The following DOCK2 variants were observed in gnomAD, a reference collection of about 807,000 sequenced individuals.
DOCK2 encodes dedicator of cytokinesis protein 2.
Under a neutral mutation model 248.9 loss-of-function variants are expected in DOCK2, and 87 were observed. That is an observed-to-expected ratio of 0.35 (90% CI 0.29 to 0.42). DOCK2 has a LOEUF of 0.42. DOCK2 is among the 10% of genes least tolerant of loss of function. DOCK2 has a pLI of 1.00. For synonymous variants in DOCK2, 805 were observed against 821.6 expected (o/e 0.98, Z 0.35); for missense variants, 1,747 against 2,300.2 (o/e 0.76, Z 4.92).
chr5:169,934,545 C>T (rs755542178), intron 27 of DOCK2: 11 of 433,550 alleles, frequency 2.5e-5, no homozygotes, highest in Admixed American at 7.3e-5. Context: ...TAATTGTATG[C>T]GCTACATTCA....
chr5:169,679,722 C>T (rs1028670526), intron 6 of DOCK2, among the ~76,000 whole-genome samples: 3 of 152,140 alleles, frequency 2.0e-5, no homozygotes, highest in Non-Finnish European at 2.9e-5. Flanking sequence ...GCAGCATGGC[C>T]GTGTACCATT....
At position 170,060,199 on chromosome 5, in the gene DOCK2, G is replaced by A. The variant is rs368924035; in HGVS notation, c.4467+2533G>A. On this transcript the variant is annotated intron_variant, in intron 44 of 51. Coordinates refer to ENST00000520908, the MANE Select transcript of DOCK2 (RefSeq NM_004946.3). ...CTGAGAAATGGAGACTTTACAAGGA[G>A]CCCTGATCTAGGGGTCAGAGATCCA... Among the ~76,000 whole-genome samples, 242 of 152,274 alleles carry A rather than the reference G, an allele frequency of 1.6e-3. 6 individuals carry two copies. The South Asian group carries it at 0.049, about 31-fold the overall frequency.
At chr5:169,779,990 C>T (rs1302144328) in intron 25 of DOCK2, among the ~76,000 whole-genome samples, 2 of 152,176 alleles carry the variant, frequency 1.3e-5, no homozygotes, top group African/African-American at 2.4e-5. Context: ...TTCTGGGTCA[C>T]CGAAGCAGTA....
Position 170,082,795 on chromosome 5 carries a change from G to C in DOCK2, c.5431-1G>C. On this transcript the variant is annotated splice_acceptor_variant, in intron 51 of 51. Coordinates refer to ENST00000520908, the MANE Select transcript of DOCK2 (RefSeq NM_004946.3). LOFTEE classifies it high-confidence loss of function. ...TTTGTGCTTGTTTATTCTCTCAAAAGCTGGCCAGCAAATCGGCTGAAGAAG... is the reference window on the plus strand; with the variant it reads ...TTTGTGCTTGTTTATTCTCTCAAAACCTGGCCAGCAAATCGGCTGAAGAAG... 1.2e-6 allele frequency: 2 copies of C among 1,614,168 alleles called. No homozygotes were observed. Among genetic ancestry groups the C allele is most frequent in the Middle Eastern group, 1.6e-4 (1 of 6,062 alleles).
intron 32 of DOCK2, among the ~76,000 whole-genome samples, chr5:170,015,878 C>T (rs1755516559): frequency 1.4e-5 from 2 of 142,594 alleles, no homozygotes; most frequent in South Asian, 4.8e-4. Flanking sequence ...CTCCTTTCTT[C>T]CTTCCCTCCT....
intron 22 of DOCK2, among the ~76,000 whole-genome samples, chr5:169,747,060 T>A (rs1279820024): frequency 1.3e-5 from 2 of 152,212 alleles, no homozygotes; most frequent in Non-Finnish European, 2.9e-5. Context: ...AATCTGATGA[T>A]CACAATCTTT....
intron 25 of DOCK2, among the ~76,000 whole-genome samples, chr5:169,783,704 G>C (rs1765833505): frequency 6.6e-6 from 1 of 151,868 alleles, no homozygotes; most frequent in East Asian, 1.9e-4. Context: ...TGGGAGAAAG[G>C]GTGTTCATAT....
intron 27 of DOCK2, among the ~76,000 whole-genome samples, chr5:169,943,746 C>T (rs917521849): frequency 2.0e-5 from 3 of 152,158 alleles, no homozygotes; most frequent in African/African-American, 7.2e-5. Flanking sequence ...TTCTCAGGCC[C>T]TTCCCAGGCC....
At chr5:170,072,077 C>T (rs1049282347) in intron 46 of DOCK2, among the ~76,000 whole-genome samples, 4 of 152,120 alleles carry the variant, frequency 2.6e-5, no homozygotes, top group Non-Finnish European at 5.9e-5. Flanking sequence ...ATAAGTAATG[C>T]TATTCTGAAC....
intron 29 of DOCK2, among the ~76,000 whole-genome samples, chr5:169,992,494 C>T (rs1413980237): frequency 6.6e-6 from 1 of 152,238 alleles, no homozygotes; most frequent in Admixed American, 6.5e-5. Flanking sequence ...GAGACGGAGT[C>T]TCGCTCTGTT....
intron 9 of DOCK2, among the ~76,000 whole-genome samples, chr5:169,690,099 G>A (rs1309303688): frequency 4.0e-5 from 6 of 150,090 alleles, no homozygotes; most frequent in African/African-American, 1.5e-4. Context: ...TGTTGCCCAG[G>A]CTGGGGTGCA....
At chr5:169,840,566 A>C (rs1198126730) in intron 26 of DOCK2, among the ~76,000 whole-genome samples, 191 bp from the exon 27 acceptor site, 2 of 151,548 alleles carry the variant, frequency 1.3e-5, no homozygotes, top group African/African-American at 4.9e-5. Context: ...TGTAGGTGGT[A>C]ATGACGATGG....
intron 34 of DOCK2, among the ~76,000 whole-genome samples, chr5:170,033,529 A>G (rs1756217132): frequency 1.3e-5 from 2 of 152,230 alleles, no homozygotes; most frequent in Admixed American, 6.5e-5. Flanking sequence ...ATAGAGACAC[A>G]TGATGGCCAT....
intron 2 of DOCK2, among the ~76,000 whole-genome samples, chr5:169,660,950 A>G (rs1228236240): frequency 6.7e-6 from 1 of 149,066 alleles, no homozygotes; most frequent in Non-Finnish European, 1.5e-5. Flanking sequence ...TTGTGATGGA[A>G]ATATGTTGAA....
intron 24 of DOCK2, among the ~76,000 whole-genome samples, chr5:169,760,077 T>C (rs1471979101): frequency 6.6e-6 from 1 of 152,110 alleles, no homozygotes; most frequent in Non-Finnish European, 1.5e-5. Context: ...GGCCTGAAGG[T>C]TATTTTGGGT....
Position 169,804,220 on chromosome 5 carries a change from A to G in DOCK2, c.2703+1014A>G, listed in dbSNP as rs537095735. ...ACCATTATGATCAATTTCCTTGCAT[A>G]CTGTCTTCTCCTGTCTCTTCCTTTC... is the stretch of plus-strand genomic sequence containing the variant. On this transcript the variant is annotated intron_variant, in intron 26 of 51. Coordinates refer to ENST00000520908, the MANE Select transcript of DOCK2 (RefSeq NM_004946.3). Among the ~76,000 whole-genome samples the G allele has an allele frequency of 5.1e-4, 78 of 152,276 alleles. 1 individual carries two copies. The highest frequency in any genetic ancestry group is 1.8e-3 in the African/African-American group (76 of 41,542).
At chr5:169,710,861 C>T (rs1216959185) in intron 15 of DOCK2, among the ~76,000 whole-genome samples, 2 of 152,222 alleles carry the variant, frequency 1.3e-5, no homozygotes, top group African/African-American at 4.8e-5. Flanking sequence ...TCTTGCACCT[C>T]AGTTGTATCT....
At chr5:169,828,387 T>C (rs1769010147) in intron 26 of DOCK2, among the ~76,000 whole-genome samples, 1 of 152,198 alleles carries the variant, frequency 6.6e-6, no homozygotes, top group African/African-American at 2.4e-5. Context: ...TAGGCTGCTG[T>C]ATGTTTCATG....
intron 22 of DOCK2, among the ~76,000 whole-genome samples, chr5:169,741,056 C>T (rs1763278642): frequency 1.3e-5 from 2 of 152,148 alleles, no homozygotes; most frequent in African/African-American, 4.8e-5. Flanking sequence ...AACTCCTAGG[C>T]TCAAGTGATC....
Sources: allele counts gnomAD v4.1 joint callset (sites outside exome capture counted in the v4.1 genomes callset), GRCh38; gene constraint gnomAD v4.1.1; transcripts MANE v1.5; gene names NCBI Gene and HGNC (gene_info 2026-07-23, HGNC 2026-07-21).